The following SMURF2 variants were observed in gnomAD, a reference collection of about 807,000 sequenced individuals.
SMURF2 encodes E3 ubiquitin-protein ligase SMURF2.
A neutral mutation model predicts 109.6 loss-of-function variants in SMURF2; 48 were observed. The ratio of observed to expected loss-of-function variants is 0.44; its 90% confidence interval spans 0.35 to 0.56. SMURF2 has a LOEUF of 0.56. Among genes scored for constraint, SMURF2 ranks in the 20% least tolerant of loss-of-function variants. The pLI, the probability that SMURF2 is intolerant of heterozygous loss-of-function variation, is 0.01. For synonymous variants in SMURF2, 288 were observed against 317.1 expected (o/e 0.91, Z 0.97); for missense variants, 575 against 909.0 (o/e 0.63, Z 4.72).
chr17:64,655,036 A>G (rs1271215956), intron 1 of SMURF2, among the ~76,000 whole-genome samples: 1 of 152,056 alleles, frequency 6.6e-6, no homozygotes, highest in Non-Finnish European at 1.5e-5. Flanking sequence ...AGCAATAACT[A>G]GGATTAGAAA....
intron 14 of SMURF2, among the ~76,000 whole-genome samples, chr17:64,555,272 T>C (rs546396782): frequency 6.6e-5 from 10 of 152,332 alleles, no homozygotes; most frequent in Non-Finnish European, 1.3e-4. Context: ...TCAGTTACAT[T>C]TGGCATTCTG....
At chr17:64,608,159 T>C (rs1469364591) in intron 1 of SMURF2, among the ~76,000 whole-genome samples, 3 of 152,070 alleles carry the variant, frequency 2.0e-5, no homozygotes, top group Admixed American at 2.0e-4. Flanking sequence ...CCTATGAATG[T>C]AATGTTTGGT....
At position 64,661,902 on chromosome 17, in the gene SMURF2, G is replaced by A. The variant is rs1176391758; in HGVS notation, c.-22C>T. ...ACATGTCCCCGGCGGCGGGGGCGGCGGGGGCGGCGGGCGGCACGGGGGCGA... is the reference window on the plus strand; with the variant it reads ...ACATGTCCCCGGCGGCGGGGGCGGCAGGGGCGGCGGGCGGCACGGGGGCGA... On this transcript the variant is annotated 5_prime_UTR_variant, in exon 1 of 19. Coordinates refer to ENST00000262435, the MANE Select transcript of SMURF2 (RefSeq NM_022739.4). The A allele has an allele frequency of 2.5e-6, 3 of 1,185,498 alleles. No homozygotes were observed. Among genetic ancestry groups the A allele is most frequent in the Non-Finnish European group, 2.1e-6 (2 of 958,596 alleles). 73.4% of individuals were successfully genotyped at this position (1,185,498 alleles called of 1,614,324 possible). A position where few individuals can be genotyped will look rare whatever the true frequency, so the allele number is the denominator to read the frequency against.
intron 1 of SMURF2, among the ~76,000 whole-genome samples, chr17:64,635,015 C>T (rs1365279849): frequency 6.6e-6 from 1 of 151,980 alleles, no homozygotes; most frequent in Non-Finnish European, 1.5e-5. Flanking sequence ...AAGTTTTTTT[C>T]CCATTTGTTT....
intron 9 of SMURF2, among the ~76,000 whole-genome samples, chr17:64,572,356 C>A (rs1969409316): frequency 6.6e-6 from 1 of 152,118 alleles, no homozygotes; most frequent in Non-Finnish European, 1.5e-5. Context: ...CTTTACTATA[C>A]CATAAAATTT....
Position 64,569,599 on chromosome 17 carries a change from C to T in SMURF2, c.1016+2199G>A, listed in dbSNP as rs113307736. ...AATAAACCTATAAAAAGGTGCTCAA[C>T]CTCATCAGTAATTAGGAAAATTCAA... is the stretch of plus-strand genomic sequence containing the variant. On this transcript the variant is annotated intron_variant, in intron 10 of 18. Transcript: ENST00000262435. Among the ~76,000 whole-genome samples the T allele has an allele frequency of 5.6e-3, 851 of 152,202 alleles. 6 individuals carry two copies. Among genetic ancestry groups the T allele is most frequent in the Middle Eastern group, 0.051 (15 of 294 alleles).
chr17:64,584,881 C>T (rs1435274058), intron 6 of SMURF2, among the ~76,000 whole-genome samples: 1 of 152,124 alleles, frequency 6.6e-6, no homozygotes, highest in African/African-American at 2.4e-5. Context: ...CTTATTACTG[C>T]TGGCACTCTC....
At chr17:64,616,201 G>C (rs1555690071) in intron 1 of SMURF2, among the ~76,000 whole-genome samples, 2 of 152,080 alleles carry the variant, frequency 1.3e-5, no homozygotes, top group African/African-American at 4.8e-5. Context: ...TATATTTTTA[G>C]TAAAGAATAT....
At chr17:64,572,935 T>C (rs1245512679) in intron 9 of SMURF2, 3 of 151,724 alleles carry the variant, frequency 2.0e-5, no homozygotes, top group African/African-American at 7.3e-5. Flanking sequence ...TCACTGCCCT[T>C]GGTGACATAA....
chr17:64,570,897 C>T (rs1369605960), intron 10 of SMURF2, among the ~76,000 whole-genome samples: 2 of 152,174 alleles, frequency 1.3e-5, no homozygotes, highest in African/African-American at 2.4e-5. Flanking sequence ...CCTCCCACCT[C>T]GGTGTCCTGA....
At chr17:64,552,934 C>A (rs1555683740) in intron 15 of SMURF2, among the ~76,000 whole-genome samples, 1 of 152,124 alleles carries the variant, frequency 6.6e-6, no homozygotes, top group African/African-American at 2.4e-5. Flanking sequence ...GAGCTCCTGA[C>A]CTCAGGTGAT....
chr17:64,588,650 C>T (rs1290484985), intron 5 of SMURF2, among the ~76,000 whole-genome samples: 6 of 151,662 alleles, frequency 4.0e-5, no homozygotes, highest in Non-Finnish European at 7.4e-5. Context: ...GATGGAGTCT[C>T]ACTCTGTTGC....
At chr17:64,656,474 A>T (rs186583999) in intron 1 of SMURF2, among the ~76,000 whole-genome samples, 1 of 152,354 alleles carries the variant, frequency 6.6e-6, no homozygotes, top group East Asian at 1.9e-4. Flanking sequence ...ATTAGCAAAA[A>T]ATGTAAAATG....
chr17:64,582,408 T>G (rs529860194), intron 7 of SMURF2, among the ~76,000 whole-genome samples: 1 of 152,258 alleles, frequency 6.6e-6, no homozygotes, highest in South Asian at 2.1e-4. Flanking sequence ...GAGAAGGGGA[T>G]TCAGCCACAT....
chr17:64,593,338 G>A, intron 4 of SMURF2, 102 bp downstream of exon 4: 3 of 924,688 alleles, frequency 3.2e-6, no homozygotes, highest in South Asian at 4.6e-5. Context: ...ATATATATTT[G>A]AGGATACATA....
chr17:64,630,403 G>C (rs1970322290), intron 1 of SMURF2, among the ~76,000 whole-genome samples: 1 of 151,980 alleles, frequency 6.6e-6, no homozygotes, highest in African/African-American at 2.4e-5. Context: ...AAAATATAAG[G>C]TCTTACTCAA....
intron 3 of SMURF2, among the ~76,000 whole-genome samples, chr17:64,596,760 A>G (rs1555688139): frequency 6.6e-6 from 1 of 152,072 alleles, no homozygotes; most frequent in East Asian, 1.9e-4. Context: ...CTCCAAGAAG[A>G]AAAAAAGCCA....
At chr17:64,631,303 A>G (rs1568202983) in intron 1 of SMURF2, among the ~76,000 whole-genome samples, 2 of 114,336 alleles carry the variant, frequency 1.7e-5, no homozygotes, top group Non-Finnish European at 3.4e-5. Context: ...AGAGAGAGAG[A>G]GAGAGAGAGA....
chr17:64,565,191 A>T (rs141319264), intron 10 of SMURF2, among the ~76,000 whole-genome samples: 90 of 152,292 alleles, frequency 5.9e-4, no homozygotes, highest in South Asian at 1.5e-3. Context: ...GACACAGGAG[A>T]AAATCCTTCT....
Sources: gnomAD v4.1 joint callset for allele counts (sites outside exome capture counted in the v4.1 genomes callset) on GRCh38, gnomAD v4.1.1 for gene constraint, MANE v1.5 for transcripts, NCBI Gene and HGNC (gene_info 2026-07-23, HGNC 2026-07-21) for gene names.